WWC2: variants seen among roughly 807,000 people sequenced by gnomAD.
WWC2 encodes the protein protein WWC2.
A neutral mutation model predicts 138.5 loss-of-function variants in WWC2; 101 were observed. That is an observed-to-expected ratio of 0.73 (90% CI 0.62 to 0.86). The LOEUF is 0.86. Ranked by LOEUF, WWC2 falls within the 40% of genes least tolerant of loss-of-function variation. The probability of loss-of-function intolerance (pLI) is 0.00; values close to 1 mark genes in which losing one functional copy is unlikely to be tolerated. For synonymous variants in WWC2, 558 were observed against 538.4 expected (o/e 1.04, Z -0.50); for missense variants, 1,420 against 1,419.4 (o/e 1.00, Z -0.01).
chr4:183,143,895 A>G (rs1412930072), intron 1 of WWC2, among the ~76,000 whole-genome samples: 1 of 152,186 alleles, frequency 6.6e-6, no homozygotes, highest in African/African-American at 2.4e-5. Flanking sequence ...TAAGTGAAAT[A>G]TATTTAAAGC....
In WWC2 at chr4:183,204,615, G is replaced by A. The variant is rs192054138; in HGVS notation, c.242-3338G>A. Reference sequence around the variant, plus strand: ...TATTTTAATAATAAACTGTAAATCAGCTTTATTATTATATACAAATACATA... The same window carrying A: ...TATTTTAATAATAAACTGTAAATCAACTTTATTATTATATACAAATACATA... On this transcript the variant is annotated intron_variant, in intron 2 of 22. Coordinates refer to ENST00000403733, the MANE Select transcript of WWC2 (RefSeq NM_024949.6). 3.6e-3 allele frequency among the ~76,000 whole-genome samples: 549 copies of A among 152,204 alleles called. 3 individuals carry two copies. Among genetic ancestry groups the A allele is most frequent in the Admixed American group, 0.012 (181 of 15,278 alleles).
In WWC2 at chr4:183,269,132, C is replaced by G. The variant is rs1237914404; in HGVS notation, c.2369C>G (p.Ser790Cys). The stretch of plus-strand genomic sequence containing the variant: ...AAGACACTGAGGGTAGACCTTTGCT[C>G]TGTCAGTAAACACCGAAGGGAAGAA... ...QQKTLRVDLCSVSKHRREECL... is the reference protein window; with the variant it reads ...QQKTLRVDLCCVSKHRREECL... Residue 790 changes from serine (S) to cysteine (C), a missense_variant, in exon 15 of 23, where the codon TCT becomes TGT. Ser to Cys is a moderately radical substitution (Grantham distance 112). Transcript: ENST00000403733. 1.9e-6 allele frequency: 3 copies of G among 1,613,056 alleles called. No homozygotes were observed.
intron 14 of WWC2, among the ~76,000 whole-genome samples, chr4:183,267,026 T>G (rs1018463698): frequency 6.6e-6 from 1 of 151,846 alleles, no homozygotes; most frequent in African/African-American, 2.4e-5. Flanking sequence ...ATAGAGATAG[T>G]GGCTTTCTTT....
intron 4 of WWC2, among the ~76,000 whole-genome samples, chr4:183,228,623 C>T (rs1429491496): frequency 6.6e-6 from 1 of 152,078 alleles, no homozygotes; most frequent in Non-Finnish European, 1.5e-5. Context: ...AAAATAACAA[C>T]AAAGCTGTTT....
In WWC2 at chr4:183,318,737, G is replaced by A. The variant is rs138308020; in HGVS notation, c.*3008G>A. ...AGTATTTTCATTGAGCAAATAAAATGAAGGGCTCCAGAATATGTGCTCTGT... is the reference window on the plus strand; with the variant it reads ...AGTATTTTCATTGAGCAAATAAAATAAAGGGCTCCAGAATATGTGCTCTGT... On this transcript the variant is annotated 3_prime_UTR_variant, in exon 23 of 23. Coordinates refer to ENST00000403733, the MANE Select transcript of WWC2 (RefSeq NM_024949.6). 6.6e-6 allele frequency: 1 copy of A among 152,340 alleles called. No individual in the cohort carries two copies. The highest frequency in any genetic ancestry group is 1.9e-4 in the East Asian group (1 of 5,184). 9.4% of individuals were successfully genotyped at this position (152,340 alleles called of 1,614,324 possible).
intron 1 of WWC2, among the ~76,000 whole-genome samples, chr4:183,169,352 G>A (rs1290360029): frequency 6.6e-6 from 1 of 152,154 alleles, no homozygotes; most frequent in Non-Finnish European, 1.5e-5. Context: ...CGCTTCATGT[G>A]TTTTTTACAC....
intron 2 of WWC2, among the ~76,000 whole-genome samples, chr4:183,198,150 C>G (rs1232041408): frequency 3.9e-5 from 6 of 152,148 alleles, no homozygotes; most frequent in African/African-American, 2.4e-5. Flanking sequence ...CTGCAATGCG[C>G]TGTGATCACA....
At chr4:183,309,196 C>T (rs1333079123) in intron 21 of WWC2, among the ~76,000 whole-genome samples, 1 of 152,138 alleles carries the variant, frequency 6.6e-6, no homozygotes, top group Non-Finnish European at 1.5e-5. Context: ...TCATATACAA[C>T]ACAACATCAG....
chr4:183,143,853 A>G (rs1335371838), intron 1 of WWC2, among the ~76,000 whole-genome samples: 3 of 152,108 alleles, frequency 2.0e-5, no homozygotes, highest in Non-Finnish European at 4.4e-5. Context: ...ATTTTAAGGC[A>G]AGAATTATGT....
At chr4:183,278,138 T>C (rs908138980) in intron 16 of WWC2, among the ~76,000 whole-genome samples, 8 of 152,292 alleles carry the variant, frequency 5.3e-5, no homozygotes, top group Admixed American at 2.6e-4. Context: ...TTAATCCATA[T>C]TGAATTGATT....
intron 1 of WWC2, among the ~76,000 whole-genome samples, chr4:183,149,559 T>C (rs76432125): frequency 6.6e-6 from 1 of 151,526 alleles, no homozygotes; most frequent in South Asian, 2.1e-4. Context: ...GAGGCGGAGG[T>C]TGCGGTGAGC....
chr4:183,271,039 C>T, intron 15 of WWC2, 41 bp from the exon 16 acceptor site: 2 of 1,431,970 alleles, frequency 1.4e-6, no homozygotes, highest in Non-Finnish European at 1.8e-6. Context: ...TTTATTTTCT[C>T]TTCCTTATTT....
At chr4:183,234,293 T>C (rs1736346513) in intron 4 of WWC2, among the ~76,000 whole-genome samples, 1 of 152,188 alleles carries the variant, frequency 6.6e-6, no homozygotes, top group Admixed American at 6.5e-5. Flanking sequence ...GTGCAGAAAT[T>C]GTGGGCTCTT....
chr4:183,178,319 T>A lies in WWC2; in HGVS notation c.132-15280T>A, dbSNP rs561567235. On this transcript the variant is annotated intron_variant, in intron 1 of 22. Coordinates refer to ENST00000403733, the MANE Select transcript of WWC2 (RefSeq NM_024949.6). Reference sequence around the variant, plus strand: ...TCTTCGGGATACCAATGTGGGAGGATCACTTGAGCCCAGGAGTTTGAGACC... The same window carrying A: ...TCTTCGGGATACCAATGTGGGAGGAACACTTGAGCCCAGGAGTTTGAGACC... Among the ~76,000 whole-genome samples, 4 of 151,856 alleles carry A rather than the reference T, an allele frequency of 2.6e-5. No individual in the cohort carries two copies. The East Asian group carries it at 5.8e-4, about 22-fold the overall frequency.
At chr4:183,280,335 T>C (rs954782315) in intron 16 of WWC2, among the ~76,000 whole-genome samples, 2 of 146,588 alleles carry the variant, frequency 1.4e-5, no homozygotes, top group Admixed American at 7.1e-5. Flanking sequence ...ATGTAGAATA[T>C]TGAGCTCACT....
chr4:183,141,255 C>T (rs1178119519), intron 1 of WWC2, among the ~76,000 whole-genome samples: 3 of 152,154 alleles, frequency 2.0e-5, no homozygotes, highest in Non-Finnish European at 2.9e-5. Context: ...CTCTTCCTGG[C>T]TTGCAGAGAC....
chr4:183,259,488 A>C (rs1580119342), intron 9 of WWC2, 151 bp from the exon 10 acceptor site: 3 of 623,386 alleles, frequency 4.8e-6, no homozygotes, highest in Non-Finnish European at 8.2e-6. Flanking sequence ...TCTGCCCCCC[A>C]CACTTCTTGC....
At chr4:183,215,753 TGAG>T (rs1392011780) in intron 4 of WWC2, among the ~76,000 whole-genome samples, 6 of 152,218 alleles carry the variant, frequency 3.9e-5, no homozygotes, top group South Asian at 4.1e-4. Flanking sequence ...ACTGTGTTGT[TGAG>T]GAGGAGATAT....
At position 183,261,267 on chromosome 4, in the gene WWC2, G is replaced by A. The variant is rs1226373928; in HGVS notation, c.1644G>A (p.Ser548=). ...CGAAGTCTGTGGCCTCCCTGTCCTC[G>A]AGGTCCTCCCTTTCCTCCTTGTCTC... ...EAPKSVASLS[S]RSSLSSLSPP... Residue 548 remains serine, a synonymous_variant, in exon 11 of 23, where the codon TCG becomes TCA. Transcript: ENST00000403733. 4 of 1,613,280 alleles carry A rather than the reference G, an allele frequency of 2.5e-6. No homozygotes were observed. The South Asian group carries it at 3.3e-5, about 13-fold the overall frequency.
Sources: gnomAD v4.1 joint callset for allele counts (sites outside exome capture counted in the v4.1 genomes callset) on GRCh38, gnomAD v4.1.1 for gene constraint, MANE v1.5 for transcripts, NCBI Gene and HGNC (gene_info 2026-07-23, HGNC 2026-07-21) for gene names.